The following DEFB124 variants were observed in gnomAD, a reference collection of about 807,000 sequenced individuals.
DEFB124 encodes the protein beta-defensin 124.
For missense variants in DEFB124, 78 were observed against 83.1 expected (o/e 0.94, Z 0.24); for synonymous variants, 38 against 36.5 (o/e 1.04, Z -0.15).
intron 2 of DEFB124, among the ~76,000 whole-genome samples, chr20:31,467,172 T>C (rs1309857560): frequency 2.0e-5 from 3 of 152,184 alleles, no homozygotes; most frequent in African/African-American, 7.2e-5. Context: ...GAAATAGCAC[T>C]GAGTGGGAGG....
Position 31,468,936 on chromosome 20 carries a change from G to A in DEFB124, c.59-3273C>T, listed in dbSNP as rs1003634920. 3.3e-5 allele frequency among the ~76,000 whole-genome samples: 5 copies of A among 151,818 alleles called. No homozygotes were observed. In the East Asian group the frequency reaches 9.7e-4, roughly 30 times the overall value. ...AGACTAGCCTGAGCAACATAGGGAGGCCCCATCTCTACAAAAATTTAAAAA... is the reference window on the plus strand; with the variant it reads ...AGACTAGCCTGAGCAACATAGGGAGACCCCATCTCTACAAAAATTTAAAAA... On this transcript the variant is annotated intron_variant, in intron 2 of 2. Transcript: ENST00000317676.
At chr20:31,470,649 C>T (rs561711024) in intron 2 of DEFB124, among the ~76,000 whole-genome samples, 1,585 of 45,534 alleles carry the variant, frequency 0.035, 68 homozygotes, top group African/African-American at 0.085. Flanking sequence ...GCTGGCCGGG[C>T]GGGGGGCTGA....
intron 2 of DEFB124, among the ~76,000 whole-genome samples, chr20:31,470,807 A>G (rs1980251508): frequency 7.9e-6 from 1 of 125,798 alleles, no homozygotes; most frequent in African/African-American, 3.1e-5. Context: ...CACCTCCCGG[A>G]CGGGGCGGCT....
chr20:31,467,884 C>G (rs183898610), intron 2 of DEFB124, among the ~76,000 whole-genome samples: 50 of 152,194 alleles, frequency 3.3e-4, no homozygotes, highest in African/African-American at 1.2e-3. Flanking sequence ...TCCTAAATAG[C>G]TAGGACTACA....
intron 2 of DEFB124, among the ~76,000 whole-genome samples, chr20:31,468,298 G>A (rs149767823): frequency 5.9e-5 from 9 of 151,986 alleles, no homozygotes; most frequent in South Asian, 4.2e-4. Flanking sequence ...ATCTTTCCTC[G>A]TATTTTCACC....
At chr20:31,471,887 C>T (rs1313404834) in intron 2 of DEFB124, among the ~76,000 whole-genome samples, 4 of 150,858 alleles carry the variant, frequency 2.7e-5, no homozygotes, top group African/African-American at 7.3e-5. Context: ...GACGGGATGG[C>T]GGCGGGGCAG....
At chr20:31,466,726 C>A (rs914186372) in intron 2 of DEFB124, among the ~76,000 whole-genome samples, 1 of 151,636 alleles carries the variant, frequency 6.6e-6, no homozygotes, top group African/African-American at 2.4e-5. Context: ...CTGCCCCTGA[C>A]ACATAGGGAC....
chr20:31,467,528 A>C (rs1223132977), intron 2 of DEFB124, among the ~76,000 whole-genome samples: 1 of 152,160 alleles, frequency 6.6e-6, no homozygotes. Context: ...CAGTTAAAGG[A>C]TCACTTTAGC....
rs771125311 is a variant in DEFB124, at chr20:31,467,758, AT to A, written c.59-2096del. ...CCAGGTGAGGACACTTTCTATAATA[AT>A]TTTTTTTTTTTGAGACAGGATCTCA... On this transcript the variant is annotated intron_variant, in intron 2 of 2. Coordinates refer to ENST00000317676, the MANE Select transcript of DEFB124 (RefSeq NM_001037500.2). Among the ~76,000 whole-genome samples, 271 of 146,670 alleles carry A rather than the reference AT, an allele frequency of 1.8e-3. 1 individual carries two copies. The highest frequency in any genetic ancestry group is 5.2e-3 in the African/African-American group (209 of 40,170).
intron 2 of DEFB124, among the ~76,000 whole-genome samples, chr20:31,467,988 A>G (rs1487068551): frequency 2.0e-5 from 3 of 152,128 alleles, no homozygotes; most frequent in African/African-American, 7.2e-5. Context: ...CCTGGGCTCA[A>G]GTGATCCTCT....
At chr20:31,472,886 G>A in intron 2 of DEFB124, 70 bp downstream of exon 2, 1 of 1,561,784 alleles carries the variant, frequency 6.4e-7, no homozygotes, top group African/African-American at 1.4e-5. Context: ...GGACCTGAGA[G>A]TCTAGTCCTC....
intron 2 of DEFB124, among the ~76,000 whole-genome samples, chr20:31,471,771 CG>C (rs1222817659): frequency 6.7e-6 from 1 of 148,778 alleles, no homozygotes; most frequent in Non-Finnish European, 1.5e-5. Context: ...GACGGGGCGG[CG>C]GGGCAGAGGC....
intron 2 of DEFB124, among the ~76,000 whole-genome samples, chr20:31,470,452 G>A (rs1319225325): frequency 3.7e-5 from 5 of 134,092 alleles, no homozygotes; most frequent in East Asian, 2.3e-4. Context: ...CCTCCCTCCC[G>A]GACGGGGTGG....
At chr20:31,471,155 C>G (rs1980278879) in intron 2 of DEFB124, among the ~76,000 whole-genome samples, 1 of 137,212 alleles carries the variant, frequency 7.3e-6, no homozygotes, top group Non-Finnish European at 1.6e-5. Flanking sequence ...CCACCTCCCT[C>G]CCGGACGAGG....
intron 2 of DEFB124, among the ~76,000 whole-genome samples, chr20:31,469,189 G>A (rs1262216599): frequency 6.6e-5 from 10 of 152,046 alleles, no homozygotes; most frequent in Admixed American, 1.3e-4. Flanking sequence ...TTGGGAGGCC[G>A]GGGTGGGTCA....
In DEFB124 at chr20:31,472,947, T is replaced by C; in HGVS notation, c.58+9A>G. 6.2e-7 allele frequency: 1 copy of C among 1,608,016 alleles called. No homozygotes were observed. Among genetic ancestry groups the C allele is most frequent in the Non-Finnish European group, 8.5e-7 (1 of 1,178,912 alleles). On this transcript the variant is annotated intron_variant, in intron 2 of 2. Coordinates refer to ENST00000317676, the MANE Select transcript of DEFB124 (RefSeq NM_001037500.2). ...CACACACACACACACATGCACACGATGTTGTTACCTGATGGCACATGACCC... is the reference window on the plus strand; with the variant it reads ...CACACACACACACACATGCACACGACGTTGTTACCTGATGGCACATGACCC...
chr20:31,469,251 C>T (rs545761513), intron 2 of DEFB124, among the ~76,000 whole-genome samples: 32 of 152,002 alleles, frequency 2.1e-4, no homozygotes, highest in African/African-American at 6.0e-4. Flanking sequence ...GGTGAAACCC[C>T]GTCTCCACTA....
chr20:31,465,770 C>G, intron 2 of DEFB124, 107 bp from the exon 3 acceptor site: 3 of 1,328,926 alleles, frequency 2.3e-6, no homozygotes, highest in Non-Finnish European at 3.1e-6. Context: ...CAAGTTAGCT[C>G]TCTGGTCTTC....
At chr20:31,467,799 C>G (rs936335756) in intron 2 of DEFB124, among the ~76,000 whole-genome samples, 3 of 152,030 alleles carry the variant, frequency 2.0e-5, no homozygotes, top group Non-Finnish European at 4.4e-5. Context: ...GTTGCCCAGG[C>G]TGGAGTGCAG....
Sources: gnomAD v4.1 joint callset for allele counts (sites outside exome capture counted in the v4.1 genomes callset) on GRCh38, gnomAD v4.1.1 for gene constraint, MANE v1.5 for transcripts, NCBI Gene and HGNC (gene_info 2026-07-23, HGNC 2026-07-21) for gene names.